Variants in KCNJ6 observed in about 807,000 individuals in gnomAD.
KCNJ6 encodes potassium inwardly rectifying channel subfamily J member 6, also known as G protein-activated inward rectifier potassium channel 2.
Under a neutral mutation model 34.2 loss-of-function variants are expected in KCNJ6, and 9 were observed. The ratio of observed to expected loss-of-function variants is 0.26; its 90% confidence interval spans 0.16 to 0.46. The LOEUF is 0.46. Ranked by LOEUF, KCNJ6 falls within the 20% of genes least tolerant of loss-of-function variation. The probability of loss-of-function intolerance (pLI) is 1.00; values close to 1 mark genes in which losing one functional copy is unlikely to be tolerated. For synonymous variants in KCNJ6, 196 were observed against 207.1 expected (o/e 0.95, Z 0.46); for missense variants, 236 against 531.3 (o/e 0.44, Z 5.46).
intron 1 of KCNJ6, among the ~76,000 whole-genome samples, chr21:37,914,417 C>T (rs921205552): frequency 6.6e-6 from 1 of 152,168 alleles, no homozygotes; most frequent in Non-Finnish European, 1.5e-5. Context: ...TCGGCGGCCC[C>T]CAGGCAACTT....
chr21:37,710,003 C>A (rs985666457), intron 3 of KCNJ6, among the ~76,000 whole-genome samples: 15 of 152,108 alleles, frequency 9.9e-5, no homozygotes, highest in African/African-American at 3.4e-4. Flanking sequence ...CCACTCTCCC[C>A]AGTGTTCTAT....
intron 2 of KCNJ6, among the ~76,000 whole-genome samples, chr21:37,837,231 G>A (rs116395523): frequency 7.3e-5 from 11 of 151,212 alleles, no homozygotes; most frequent in South Asian, 2.1e-4. Context: ...GCCCGTCCTC[G>A]TTTCAATAAT....
chr21:37,867,972 C>G (rs904539944), intron 1 of KCNJ6, among the ~76,000 whole-genome samples: 1 of 152,196 alleles, frequency 6.6e-6, no homozygotes, highest in African/African-American at 2.4e-5. Flanking sequence ...AGGTCCAGGG[C>G]TGGGCAGCAG....
At chr21:37,638,701 G>T (rs1432547294) in intron 3 of KCNJ6, among the ~76,000 whole-genome samples, 1 of 151,990 alleles carries the variant, frequency 6.6e-6, no homozygotes, top group African/African-American at 2.4e-5. Context: ...CCAAATCTGG[G>T]GTCCTGGCTA....
At chr21:37,794,650 T>C (rs1163353182) in intron 2 of KCNJ6, among the ~76,000 whole-genome samples, 1 of 152,052 alleles carries the variant, frequency 6.6e-6, no homozygotes, top group Non-Finnish European at 1.5e-5. Flanking sequence ...CACCACATAT[T>C]CTCATTCATA....
intron 2 of KCNJ6, among the ~76,000 whole-genome samples, chr21:37,802,634 AC>A (rs879636585): frequency 6.6e-6 from 1 of 152,212 alleles, no homozygotes; most frequent in Non-Finnish European, 1.5e-5. Context: ...ATCCAGGCCA[AC>A]CCATGTTAGA....
chr21:37,688,608 T>A (rs2123425809), intron 3 of KCNJ6, among the ~76,000 whole-genome samples: 1 of 152,284 alleles, frequency 6.6e-6, no homozygotes, highest in South Asian at 2.1e-4. Flanking sequence ...AACCTTCGTT[T>A]TTCAGCTTAA....
chr21:37,876,441 C>A (rs2055678536), intron 1 of KCNJ6, among the ~76,000 whole-genome samples: 1 of 152,114 alleles, frequency 6.6e-6, no homozygotes. Context: ...TCCATGCTTT[C>A]CTATTACAAA....
intron 1 of KCNJ6, among the ~76,000 whole-genome samples, chr21:37,915,610 C>CT (rs2055889561): frequency 6.6e-6 from 1 of 152,258 alleles, no homozygotes; most frequent in African/African-American, 2.4e-5. Context: ...GACTGGGTTT[C>CT]TGCGAGCCCA....
intron 1 of KCNJ6, among the ~76,000 whole-genome samples, chr21:37,853,765 A>C (rs1162021000): frequency 6.7e-6 from 1 of 149,532 alleles, no homozygotes; most frequent in Non-Finnish European, 1.5e-5. Context: ...AGGGAAACGA[A>C]TGTAAAGGGA....
chr21:37,868,971 G>A (rs1434513505), intron 1 of KCNJ6, among the ~76,000 whole-genome samples: 2 of 152,238 alleles, frequency 1.3e-5, no homozygotes, highest in African/African-American at 2.4e-5. Flanking sequence ...AGGGAAAAAC[G>A]CAGTAGAGAA....
At chr21:37,713,277 G>A (rs562584368) in intron 3 of KCNJ6, among the ~76,000 whole-genome samples, 26 of 152,092 alleles carry the variant, frequency 1.7e-4, no homozygotes, top group African/African-American at 5.6e-4. Context: ...ACTTAAAAGC[G>A]TAAAAGGGCT....
At chr21:37,756,501 T>C (rs907228079) in intron 2 of KCNJ6, among the ~76,000 whole-genome samples, 1 of 152,238 alleles carries the variant, frequency 6.6e-6, no homozygotes, top group African/African-American at 2.4e-5. Flanking sequence ...CTCCCCGCTA[T>C]GCTGGTCTCC....
At chr21:37,829,484 G>A (rs971339169) in intron 2 of KCNJ6, among the ~76,000 whole-genome samples, 2 of 152,186 alleles carry the variant, frequency 1.3e-5, no homozygotes, top group Non-Finnish European at 2.9e-5. Flanking sequence ...CACCCCACTG[G>A]CTTGGAAGGG....
At chr21:37,731,089 T>C (rs775915808) in intron 2 of KCNJ6, among the ~76,000 whole-genome samples, 3 of 93,082 alleles carry the variant, frequency 3.2e-5, no homozygotes, top group Admixed American at 1.2e-4. Flanking sequence ...CCATTGCAGA[T>C]AGATGAGAGA....
chr21:37,750,708 C>T (rs1283113462), intron 2 of KCNJ6, among the ~76,000 whole-genome samples: 5 of 151,648 alleles, frequency 3.3e-5, no homozygotes, highest in Non-Finnish European at 7.4e-5. Flanking sequence ...GGGAGGGGAA[C>T]ATCACACTCC....
At chr21:37,674,694 C>T (rs2054556736) in intron 3 of KCNJ6, among the ~76,000 whole-genome samples, 1 of 151,564 alleles carries the variant, frequency 6.6e-6, no homozygotes, top group Non-Finnish European at 1.5e-5. Flanking sequence ...CCTGACTCCC[C>T]TATACCTCAC....
intron 1 of KCNJ6, among the ~76,000 whole-genome samples, chr21:37,877,315 CTACCATGAAA>C (rs1259399159): frequency 1.3e-5 from 2 of 152,198 alleles, no homozygotes; most frequent in Non-Finnish European, 2.9e-5. Flanking sequence ...TCTGCAGTTT[CTACCATGAAA>C]TACACAGGTC....
At chr21:37,811,183 C>T (rs1259536569) in intron 2 of KCNJ6, among the ~76,000 whole-genome samples, 2 of 152,196 alleles carry the variant, frequency 1.3e-5, no homozygotes, top group Non-Finnish European at 2.9e-5. Context: ...GAGGCTGGTG[C>T]ACCCCAACTC....
Sources: gnomAD v4.1 joint callset for allele counts (sites outside exome capture counted in the v4.1 genomes callset) on GRCh38, gnomAD v4.1.1 for gene constraint, MANE v1.5 for transcripts, NCBI Gene and HGNC (gene_info 2026-07-23, HGNC 2026-07-21) for gene names.